Variants in FSTL5 observed in about 807,000 individuals in gnomAD.
FSTL5 encodes follistatin like 5, also known as follistatin-related protein 5.
FSTL5 carries 62 observed loss-of-function variants against 89.1 expected under a neutral mutation model. The observed-to-expected ratio is 0.70, with a 90% CI of 0.57 to 0.86. FSTL5 has a LOEUF of 0.86. Ranked by LOEUF, FSTL5 falls within the 40% of genes least tolerant of loss-of-function variation. FSTL5 has a pLI of 0.00. For synonymous variants in FSTL5, 383 were observed against 346.2 expected (o/e 1.11, Z -1.18); for missense variants, 1,057 against 1,001.6 (o/e 1.06, Z -0.75).
At chr4:161,825,645 A>G (rs746825169) in intron 4 of FSTL5, among the ~76,000 whole-genome samples, 4 of 152,048 alleles carry the variant, frequency 2.6e-5, no homozygotes, top group African/African-American at 4.8e-5. Flanking sequence ...GAATTTATCT[A>G]TCTCTTCTAG....
chr4:161,947,120 T>C (rs530664134), intron 3 of FSTL5, among the ~76,000 whole-genome samples: 43 of 148,366 alleles, frequency 2.9e-4, no homozygotes, highest in African/African-American at 1.0e-3. Context: ...ATTTGGCAGA[T>C]ATTTGTGGGG....
At chr4:161,645,266 A>C (rs1194662322) in intron 7 of FSTL5, among the ~76,000 whole-genome samples, 1 of 152,148 alleles carries the variant, frequency 6.6e-6, no homozygotes. Context: ...TCATGATAAA[A>C]TTATGTTTCT....
At chr4:161,397,280 A>T (rs1731036976) in intron 15 of FSTL5, among the ~76,000 whole-genome samples, 1 of 152,060 alleles carries the variant, frequency 6.6e-6, no homozygotes, top group African/African-American at 2.4e-5. Context: ...ATACACGCAC[A>T]TACATACTAC....
intron 15 of FSTL5, among the ~76,000 whole-genome samples, chr4:161,398,015 C>T (rs567681294): frequency 6.6e-6 from 1 of 151,954 alleles, no homozygotes; most frequent in Non-Finnish European, 1.5e-5. Flanking sequence ...TCCAAGACTG[C>T]TAAGGAAGTG....
chr4:161,646,967 G>T (rs985118923), intron 7 of FSTL5, among the ~76,000 whole-genome samples: 11 of 151,950 alleles, frequency 7.2e-5, no homozygotes, highest in African/African-American at 1.7e-4. Flanking sequence ...CCCACTTTTT[G>T]ATTGTTTCCT....
intron 3 of FSTL5, among the ~76,000 whole-genome samples, chr4:162,002,595 A>C (rs1736496946): frequency 6.6e-6 from 1 of 152,234 alleles, no homozygotes; most frequent in African/African-American, 2.4e-5. Flanking sequence ...GTAGTCACAT[A>C]GAGGAATGCT....
Position 161,661,833 on chromosome 4 carries a change from A to G in FSTL5, c.728-5339T>C, listed in dbSNP as rs1736722644. Reference sequence around the variant, plus strand: ...TGGACTGGATAAATTGGACTAATACATTCACAGAAGTGACACCACAGCAAA... The same window carrying G: ...TGGACTGGATAAATTGGACTAATACGTTCACAGAAGTGACACCACAGCAAA... On this transcript the variant is annotated intron_variant, in intron 6 of 15. Transcript: ENST00000306100. Among the ~76,000 whole-genome samples, 10 of 152,334 alleles carry G rather than the reference A, an allele frequency of 6.6e-5. 1 individual carries two copies. In the South Asian group the frequency reaches 2.1e-3, roughly 32 times the overall value.
intron 3 of FSTL5, among the ~76,000 whole-genome samples, chr4:162,019,790 GTA>G (rs1242839996): frequency 1.4e-5 from 2 of 145,632 alleles, no homozygotes; most frequent in East Asian, 2.0e-4. Flanking sequence ...GTGTGTGTGT[GTA>G]TGTGTGTGTT....
At chr4:161,746,500 C>G (rs189659173) in intron 6 of FSTL5, among the ~76,000 whole-genome samples, 2 of 152,238 alleles carry the variant, frequency 1.3e-5, no homozygotes, top group East Asian at 3.9e-4. Flanking sequence ...AGGGGCTTGA[C>G]TGTAGCATTT....
intron 7 of FSTL5, among the ~76,000 whole-genome samples, chr4:161,604,040 T>A (rs575917177): frequency 6.6e-6 from 1 of 152,212 alleles, no homozygotes; most frequent in Admixed American, 6.5e-5. Context: ...GATGTCATTA[T>A]ACCTTCAAAT....
chr4:162,118,096 A>C (rs1010145727), intron 1 of FSTL5, among the ~76,000 whole-genome samples: 11 of 152,166 alleles, frequency 7.2e-5, no homozygotes, highest in African/African-American at 2.4e-4. Context: ...CCTTACCTTA[A>C]CCGGAATTGG....
intron 13 of FSTL5, among the ~76,000 whole-genome samples, chr4:161,472,318 A>C (rs1220935313): frequency 6.6e-6 from 1 of 152,066 alleles, no homozygotes; most frequent in East Asian, 1.9e-4. Context: ...TGGTTTCAAT[A>C]GTTTTCTCTA....
chr4:161,564,059 A>T (rs1578928299), intron 8 of FSTL5, among the ~76,000 whole-genome samples: 1 of 151,850 alleles, frequency 6.6e-6, no homozygotes, highest in South Asian at 2.1e-4. Flanking sequence ...TATTGTCTAG[A>T]CATTTTATAA....
intron 4 of FSTL5, among the ~76,000 whole-genome samples, chr4:161,785,476 C>G (rs1315819983): frequency 1.3e-5 from 2 of 152,064 alleles, no homozygotes; most frequent in Non-Finnish European, 2.9e-5. Context: ...GGGATGACTC[C>G]AGACTGTCTA....
chr4:161,688,562 G>T (rs1737820033), intron 6 of FSTL5, among the ~76,000 whole-genome samples: 1 of 152,142 alleles, frequency 6.6e-6, no homozygotes, highest in African/African-American at 2.4e-5. Flanking sequence ...CCTCTGGAAT[G>T]GAAGGTTGGC....
chr4:161,977,642 T>A lies in FSTL5; in HGVS notation c.160+55983A>T, dbSNP rs372408124. ...AAAAAAAAAAAAAAAAAAAAAAAAA[T>A]AATAATAATAATAATAATAATAATA... On this transcript the variant is annotated intron_variant, in intron 3 of 15. Transcript: ENST00000306100. Among the ~76,000 whole-genome samples the A allele has an allele frequency of 7.8e-3, 991 of 127,558 alleles. 15 individuals are homozygous for A. Among genetic ancestry groups the A allele is most frequent in the African/African-American group, 0.022 (701 of 31,654 alleles). The allele number at this position is 127,558 out of a possible 152,430, so 83.7% of individuals were successfully genotyped here. A position where few individuals can be genotyped will look rare whatever the true frequency, so the allele number is the denominator to read the frequency against.
intron 3 of FSTL5, among the ~76,000 whole-genome samples, chr4:161,948,450 G>C (rs1016101189): frequency 1.3e-5 from 2 of 148,300 alleles, no homozygotes; most frequent in East Asian, 4.0e-4. Context: ...GCTACACTTT[G>C]AATTCTACAT....
At chr4:161,625,292 T>C (rs1266868408) in intron 7 of FSTL5, among the ~76,000 whole-genome samples, 1 of 152,162 alleles carries the variant, frequency 6.6e-6, no homozygotes, top group Non-Finnish European at 1.5e-5. Flanking sequence ...TGAGCAAGTT[T>C]ATAGGCACCA....
At chr4:161,720,131 A>G (rs759102083) in intron 6 of FSTL5, among the ~76,000 whole-genome samples, 25 of 152,078 alleles carry the variant, frequency 1.6e-4, no homozygotes, top group Non-Finnish European at 3.2e-4. Flanking sequence ...ATAATGGAAT[A>G]AAATATTTGC....
Sources: allele counts gnomAD v4.1 joint callset (sites outside exome capture counted in the v4.1 genomes callset), GRCh38; gene constraint gnomAD v4.1.1; transcripts MANE v1.5; gene names NCBI Gene and HGNC (gene_info 2026-07-23, HGNC 2026-07-21).